Variants in MAST2 observed in about 807,000 individuals in gnomAD.
MAST2 encodes the protein microtubule-associated serine/threonine-protein kinase 2.
A neutral mutation model predicts 147.4 loss-of-function variants in MAST2; 70 were observed. The ratio of observed to expected loss-of-function variants is 0.47; its 90% confidence interval spans 0.39 to 0.58. The LOEUF (loss-of-function observed/expected upper bound fraction) is 0.58, where lower values mean the gene tolerates loss of function less well. MAST2 is among the 20% of genes least tolerant of loss of function. The pLI, the probability that MAST2 is intolerant of heterozygous loss-of-function variation, is 0.00. For missense variants in MAST2, 2,080 were observed against 2,302.3 expected (o/e 0.90, Z 1.98); for synonymous variants, 869 against 896.8 (o/e 0.97, Z 0.55).
At chr1:45,868,505 AT>A (rs1646251904) in intron 3 of MAST2, among the ~76,000 whole-genome samples, 2 of 152,068 alleles carry the variant, frequency 1.3e-5, no homozygotes, top group African/African-American at 4.8e-5. Context: ...CAAAAACTAA[AT>A]TGTATAGTAT....
rs755311157 is a variant in MAST2, at chr1:46,008,271, A to G, written c.903-25A>G. 5 of 1,554,910 alleles carry G rather than the reference A, an allele frequency of 3.2e-6. No individual in the cohort carries two copies. The Admixed American group carries it at 6.7e-5, about 21-fold the overall frequency. On this transcript the variant is annotated intron_variant, in intron 8 of 28. Coordinates refer to ENST00000361297, the MANE Select transcript of MAST2 (RefSeq NM_015112.3). ...TTGATAGTTCCATAGCACTAAAGTA[A>G]CACAATCATTTCTTTCTTTTTTAGT...
At chr1:45,894,059 T>G (rs967635902) in intron 4 of MAST2, among the ~76,000 whole-genome samples, 2 of 151,862 alleles carry the variant, frequency 1.3e-5, no homozygotes, top group African/African-American at 4.8e-5. Context: ...TACAAAAATA[T>G]GTAAAAGTTA....
chr1:46,023,146 G>C lies in MAST2; in HGVS notation c.1486-87G>C. 3.0e-6 allele frequency: 4 copies of C among 1,331,598 alleles called. No individual in the cohort carries two copies. The highest frequency in any genetic ancestry group is 4.3e-6 in the Non-Finnish European group (4 of 923,432). The allele number at this position is 1,331,598 out of a possible 1,614,324, so 82.5% of individuals were successfully genotyped here. On this transcript the variant is annotated intron_variant, in intron 13 of 28. Transcript: ENST00000361297. This position sits in a 1 kb window ranked among gnomAD's most constrained non-coding sequence, Gnocchi z 4.9. ...GCAGGAGACTGCACTAGAGCTGACAGCTGAGAAGATGCTAGAGCCACAGCT... is the reference window on the plus strand; with the variant it reads ...GCAGGAGACTGCACTAGAGCTGACACCTGAGAAGATGCTAGAGCCACAGCT...
intron 3 of MAST2, among the ~76,000 whole-genome samples, chr1:45,851,562 T>A (rs1645625133): frequency 6.6e-6 from 1 of 152,190 alleles, no homozygotes. Flanking sequence ...GAGGAATGTT[T>A]CCAGTTTTTC....
At chr1:45,851,138 C>A (rs1472855480) in intron 3 of MAST2, among the ~76,000 whole-genome samples, 4 of 152,038 alleles carry the variant, frequency 2.6e-5, no homozygotes, top group Admixed American at 6.6e-5. Context: ...CCTGTGATTT[C>A]TTTTAGCAGT....
chr1:45,892,860 TTA>T (rs1445268498), intron 4 of MAST2, among the ~76,000 whole-genome samples: 1 of 152,184 alleles, frequency 6.6e-6, no homozygotes, highest in African/African-American at 2.4e-5. Flanking sequence ...GTCCAAAAAC[TTA>T]TAGCAAACTG....
intron 3 of MAST2, among the ~76,000 whole-genome samples, chr1:45,864,734 C>T (rs1646087795): frequency 6.6e-6 from 1 of 152,032 alleles, no homozygotes; most frequent in Non-Finnish European, 1.5e-5. Flanking sequence ...GTTTGCTAAA[C>T]CTTTTTAATA....
At chr1:45,904,831 G>T (rs949620610) in intron 4 of MAST2, among the ~76,000 whole-genome samples, 2 of 151,674 alleles carry the variant, frequency 1.3e-5, no homozygotes, top group Non-Finnish European at 2.9e-5. Context: ...TTTTGAGAGA[G>T]AGGCCTTGCT....
chr1:45,940,746 A>G (rs911187735), intron 4 of MAST2, among the ~76,000 whole-genome samples: 3 of 151,550 alleles, frequency 2.0e-5, no homozygotes, highest in Non-Finnish European at 4.4e-5. Context: ...CAGCCTCCTC[A>G]GTAGCTGGGA....
rs370224566 is a variant in MAST2, at chr1:46,010,736, G to A, written c.985G>A (p.Ala329Thr). 1.9e-5 allele frequency: 30 copies of A among 1,612,890 alleles called. No homozygotes were observed. Among genetic ancestry groups the A allele is most frequent in the Middle Eastern group, 3.7e-4 (2 of 5,368 alleles). ...TTCTTGCTTTTCTTCCCAGGCCACC[G>A]CACAAATGGAAGAGCGACTAGCAGA... ...VYKERFPKAT[A>T]QMEERLAEFI... The change falls in exon 10 of 29, where the codon GCA (alanine) becomes ACA (threonine). Residue 329 changes from alanine to threonine, a missense_variant. Ala to Thr is a moderately conservative substitution (Grantham distance 58). Coordinates refer to ENST00000361297, the MANE Select transcript of MAST2 (RefSeq NM_015112.3).
chr1:45,837,964 A>C (rs932897889), intron 3 of MAST2, among the ~76,000 whole-genome samples: 1 of 151,992 alleles, frequency 6.6e-6, no homozygotes, highest in African/African-American at 2.4e-5. Context: ...TTTTTAGTAG[A>C]GGTGGGGTTT....
intron 4 of MAST2, among the ~76,000 whole-genome samples, chr1:45,937,862 G>T (rs1656528455): frequency 6.6e-6 from 1 of 150,612 alleles, no homozygotes; most frequent in Non-Finnish European, 1.5e-5. Context: ...TCTCTTCAGT[G>T]TAAGGGATTC....
chr1:45,933,236 A>AG lies in MAST2; in HGVS notation c.501-26149dup, dbSNP rs373786962. 2.9e-3 allele frequency among the ~76,000 whole-genome samples: 189 copies of AG among 64,412 alleles called. 3 individuals carry two copies. Among genetic ancestry groups the AG allele is most frequent in the South Asian group, 4.2e-3 (8 of 1,914 alleles). 42.3% of individuals were successfully genotyped at this position (64,412 alleles called of 152,430 possible). A position where few individuals can be genotyped will look rare whatever the true frequency, so the allele number is the denominator to read the frequency against. On this transcript the variant is annotated intron_variant, in intron 4 of 28. Coordinates refer to ENST00000361297, the MANE Select transcript of MAST2 (RefSeq NM_015112.3). The stretch of plus-strand genomic sequence containing the variant: ...AGACCCTGTCTCTTTAAAAAAAAAA[A>AG]GCGGGGGGGTTGGGGGGGGCAAATG...
At chr1:45,888,798 C>G (rs1647226647) in intron 4 of MAST2, among the ~76,000 whole-genome samples, 1 of 149,828 alleles carries the variant, frequency 6.7e-6, no homozygotes, top group African/African-American at 2.5e-5. Flanking sequence ...TCTTCCGCCT[C>G]AGCCTCCCCA....
Position 45,951,266 on chromosome 1 carries a change from G to A in MAST2, c.501-8120G>A, listed in dbSNP as rs1658887654. ...ATTAGAGATTAAGACTGTAAGATTA[G>A]TATATTTAAAATTATTAAGAATATA... is the stretch of plus-strand genomic sequence containing the variant. On this transcript the variant is annotated intron_variant, in intron 4 of 28. Coordinates refer to ENST00000361297, the MANE Select transcript of MAST2 (RefSeq NM_015112.3). 5.3e-5 allele frequency among the ~76,000 whole-genome samples: 8 copies of A among 152,046 alleles called. No homozygotes were observed. The South Asian group carries it at 1.7e-3, about 32-fold the overall frequency.
intron 4 of MAST2, among the ~76,000 whole-genome samples, chr1:45,890,345 A>G (rs1647542320): frequency 6.6e-6 from 1 of 152,228 alleles, no homozygotes; most frequent in Non-Finnish European, 1.5e-5. Context: ...ATTTTCTTAC[A>G]GTTATGCAAA....
chr1:45,977,927 A>G (rs1197523265), intron 5 of MAST2, among the ~76,000 whole-genome samples: 1 of 152,162 alleles, frequency 6.6e-6, no homozygotes, highest in Non-Finnish European at 1.5e-5. Flanking sequence ...GAATATATAA[A>G]GAACTCCTGG....
intron 4 of MAST2, among the ~76,000 whole-genome samples, chr1:45,930,435 A>C (rs1169027823): frequency 1.2e-5 from 1 of 82,096 alleles, no homozygotes; most frequent in African/African-American, 3.8e-5. Flanking sequence ...TGTTTATCTT[A>C]TGTGAAGGGA....
At chr1:46,001,018 G>A (rs1489040521) in intron 6 of MAST2, 2 of 1,276,534 alleles carry the variant, frequency 1.6e-6, no homozygotes, top group Non-Finnish European at 2.0e-6. Flanking sequence ...CTGGGAAACT[G>A]CTATGCATGG....
Sources: gnomAD v4.1 joint callset for allele counts (sites outside exome capture counted in the v4.1 genomes callset) on GRCh38, gnomAD v4.1.1 for gene constraint, Gnocchi (gnomAD v3.1) non-coding constraint, MANE v1.5 for transcripts, NCBI Gene and HGNC (gene_info 2026-07-23, HGNC 2026-07-21) for gene names.